The following GPC3 variants were observed in gnomAD, a reference collection of about 807,000 sequenced individuals.
The protein encoded by GPC3 is glypican-3.
In GPC3, 3 loss-of-function variants were observed where a neutral mutation model predicts 34.4. The observed-to-expected ratio is 0.09, with a 90% CI of 0.04 to 0.23. The LOEUF (loss-of-function observed/expected upper bound fraction) is 0.23. Among genes scored for constraint, GPC3 ranks in the 10% least tolerant of loss-of-function variants. The pLI is 1.00. For missense variants in GPC3, 351 were observed against 445.6 expected (o/e 0.79, Z 1.91); for synonymous variants, 177 against 174.0 (o/e 1.02, Z -0.13).
chrX:133,786,529 C>A (rs769253063), intron 2 of GPC3, among the ~76,000 whole-genome samples: 2 of 112,642 alleles, frequency 1.8e-5, no homozygotes, highest in East Asian at 2.8e-4. Context: ...GTGTATTAGA[C>A]GCTTTTGTGC....
chrX:133,878,676 C>A (rs1406006153), intron 2 of GPC3, among the ~76,000 whole-genome samples: 1 of 111,625 alleles, frequency 9.0e-6, no homozygotes, highest in Non-Finnish European at 1.9e-5. Flanking sequence ...GAGCCTGCTG[C>A]AAACTTCTTA....
chrX:133,853,528 A>C (rs1245200104), intron 2 of GPC3, among the ~76,000 whole-genome samples: 1 of 112,344 alleles, frequency 8.9e-6, no homozygotes, highest in Non-Finnish European at 1.9e-5. Context: ...CCAGATGCTC[A>C]GGTTTGAATG....
At chrX:133,926,804 C>CCT (rs2076276879) in intron 2 of GPC3, among the ~76,000 whole-genome samples, 3 of 106,941 alleles carry the variant, frequency 2.8e-5, no homozygotes, top group Non-Finnish European at 3.9e-5. Flanking sequence ...GCCACCGCCC[C>CCT]GGCAAATCGG....
intron 6 of GPC3, among the ~76,000 whole-genome samples, chrX:133,634,020 T>C (rs188301117): frequency 5.3e-5 from 6 of 112,200 alleles, no homozygotes; most frequent in Non-Finnish European, 3.8e-5. Flanking sequence ...TTAAAAACTA[T>C]TTGAATAGAT....
chrX:133,543,605 A>C (rs1369633302), intron 7 of GPC3, among the ~76,000 whole-genome samples: 5 of 112,707 alleles, frequency 4.4e-5, no homozygotes, highest in Non-Finnish European at 9.4e-5. Context: ...TTGAAAGAAT[A>C]TAATGAATTT....
At chrX:133,747,024 C>G (rs1009591229) in intron 3 of GPC3, among the ~76,000 whole-genome samples, 1 of 111,608 alleles carries the variant, frequency 9.0e-6, no homozygotes, top group African/African-American at 3.3e-5. Context: ...GAATCTTCCC[C>G]AGAGCTTCCT....
intron 3 of GPC3, among the ~76,000 whole-genome samples, chrX:133,742,183 C>T (rs1603238004): frequency 8.9e-6 from 1 of 111,950 alleles, no homozygotes; most frequent in African/African-American, 3.2e-5. Flanking sequence ...ATGAACAGAA[C>T]AGAGCAAGGT....
intron 2 of GPC3, chrX:133,762,754 T>C: frequency 2.3e-6 from 1 of 427,564 alleles, no homozygotes; most frequent in East Asian, 4.6e-5. Flanking sequence ...CCATACAGCG[T>C]TTTTCGGGAT....
At chrX:133,695,564 G>A (rs943693525) in intron 4 of GPC3, among the ~76,000 whole-genome samples, 1 of 111,575 alleles carries the variant, frequency 9.0e-6, no homozygotes, top group African/African-American at 3.3e-5. Flanking sequence ...AGGAGAGTTG[G>A]GAACAGCCAG....
intron 3 of GPC3, among the ~76,000 whole-genome samples, chrX:133,743,480 G>C (rs1461220169): frequency 1.8e-5 from 2 of 112,616 alleles, no homozygotes; most frequent in African/African-American, 6.4e-5. Flanking sequence ...ATAGCAAAAT[G>C]CATGGGCATA....
chrX:133,577,769 G>A (rs1397029912), intron 7 of GPC3, among the ~76,000 whole-genome samples: 1 of 111,671 alleles, frequency 9.0e-6, no homozygotes. Flanking sequence ...TATACACATC[G>A]GGCTTCTTCC....
chrX:133,596,734 C>T (rs1471339680), intron 6 of GPC3, 135 bp from the exon 7 acceptor site: 14 of 641,475 alleles, frequency 2.2e-5, no homozygotes, highest in Non-Finnish European at 3.1e-5. Flanking sequence ...TTCAAATTTA[C>T]GTAGGTGTAA....
At chrX:133,553,476 T>A (rs1350752406) in intron 7 of GPC3, among the ~76,000 whole-genome samples, 4 of 112,062 alleles carry the variant, frequency 3.6e-5, no homozygotes, top group Non-Finnish European at 7.5e-5. Flanking sequence ...TAAAAATAAG[T>A]AAAACAACTA....
chrX:133,645,321 T>C (rs2070530645), intron 6 of GPC3, among the ~76,000 whole-genome samples: 1 of 111,496 alleles, frequency 9.0e-6, no homozygotes, highest in African/African-American at 3.3e-5. Flanking sequence ...TGGCTCCCCA[T>C]AGCATTCACC....
At chrX:133,783,047 ATGTCCAAGGTTCAGG>A (rs1486794095) in intron 2 of GPC3, among the ~76,000 whole-genome samples, 1 of 109,848 alleles carries the variant, frequency 9.1e-6, no homozygotes, top group African/African-American at 3.3e-5. Flanking sequence ...GCCAAAAAAG[ATGTCCAAGGTTCAGG>A]TGTCCTAGGA....
chrX:133,878,439 A>AG (rs1424323414), intron 2 of GPC3, among the ~76,000 whole-genome samples: 2 of 111,645 alleles, frequency 1.8e-5, no homozygotes, highest in African/African-American at 6.5e-5. Flanking sequence ...AAAAAAAAAA[A>AG]TCATATTATC....
chrX:133,546,983 T>C (rs2069392494), intron 7 of GPC3, among the ~76,000 whole-genome samples: 1 of 111,787 alleles, frequency 8.9e-6, no homozygotes, highest in Admixed American at 9.6e-5. Context: ...TGGAGTACTA[T>C]TCAGCTATAA....
At chrX:133,639,384 G>T (rs905545294) in intron 6 of GPC3, among the ~76,000 whole-genome samples, 14 of 111,870 alleles carry the variant, frequency 1.3e-4, no homozygotes, top group African/African-American at 4.5e-4. Context: ...CTTTTTGAGG[G>T]TGGTACTGTG....
chrX:133,699,260 T>C (rs922889131), intron 4 of GPC3, among the ~76,000 whole-genome samples: 5 of 111,771 alleles, frequency 4.5e-5, no homozygotes, highest in African/African-American at 1.3e-4. Context: ...ACATGTGCAG[T>C]CTTTTCAGGT....
Sources: allele counts gnomAD v4.1 joint callset (sites outside exome capture counted in the v4.1 genomes callset), GRCh38; gene constraint gnomAD v4.1.1; transcripts MANE v1.5; gene names NCBI Gene and HGNC (gene_info 2026-07-23, HGNC 2026-07-21).